DLAT: variants seen among roughly 807,000 people sequenced by gnomAD.
DLAT encodes the protein dihydrolipoyllysine-residue acetyltransferase component of pyruvate dehydrogenase complex, mitochondrial.
In DLAT, 43 loss-of-function variants were observed where a neutral mutation model predicts 68.0. The observed-to-expected ratio is 0.63, with a 90% CI of 0.50 to 0.81. DLAT has a LOEUF of 0.81. Ranked by LOEUF, DLAT falls within the 40% of genes least tolerant of loss-of-function variation. DLAT has a pLI of 0.00. For missense variants in DLAT, 745 were observed against 815.4 expected (o/e 0.91, Z 1.05); for synonymous variants, 265 against 288.6 (o/e 0.92, Z 0.83).
chr11:112,029,066 G>C, intron 4 of DLAT, 121 bp downstream of exon 4: 1 of 1,118,372 alleles, frequency 8.9e-7, no homozygotes, highest in Non-Finnish European at 1.3e-6. Flanking sequence ...TCATTTGGGA[G>C]TATATAGGTT....
chr11:112,063,294 C>T lies in DLAT; in HGVS notation c.*759C>T, dbSNP rs1171728877. ...TCAACAGTTACCTCCAAAAAAGAAA[C>T]ATTGTTAATATAATTTAACAGAAGT... On this transcript the variant is annotated 3_prime_UTR_variant, in exon 14 of 14. Transcript: ENST00000280346. 1.3e-5 allele frequency: 2 copies of T among 152,072 alleles called. No individual in the cohort carries two copies. Among genetic ancestry groups the T allele is most frequent in the Non-Finnish European group, 2.9e-5 (2 of 67,980 alleles). 9.4% of individuals were successfully genotyped at this position (152,072 alleles called of 1,614,324 possible).
chr11:112,054,682 T>G (rs1863894192), intron 11 of DLAT, among the ~76,000 whole-genome samples: 1 of 152,214 alleles, frequency 6.6e-6, no homozygotes, highest in African/African-American at 2.4e-5. Context: ...CTGTATAGTT[T>G]TCCAGGGCTG....
At chr11:112,031,342 T>A (rs1359939362) in intron 4 of DLAT, among the ~76,000 whole-genome samples, 1 of 152,186 alleles carries the variant, frequency 6.6e-6, no homozygotes, top group African/African-American at 2.4e-5. Context: ...AGATAGGCAT[T>A]CTGATGTTTG....
intron 4 of DLAT, chr11:112,030,493 C>G (rs1462530183): frequency 7.9e-6 from 2 of 253,944 alleles, no homozygotes; most frequent in Non-Finnish European, 7.8e-6. Flanking sequence ...AGTTGGTGTT[C>G]TTTTGACATG....
chr11:112,036,141 G>GTATA (rs1227067864), intron 5 of DLAT, among the ~76,000 whole-genome samples: 6 of 134,388 alleles, frequency 4.5e-5, no homozygotes, highest in African/African-American at 1.7e-4. Context: ...ATATGTGTGT[G>GTATA]TATATATATA....
At position 112,025,638 on chromosome 11, in the gene DLAT, C is replaced by T. The variant is rs782603517; in HGVS notation, c.166C>T (p.Arg56Trp). The T allele has an allele frequency of 1.2e-6, 2 of 1,613,376 alleles. No individual in the cohort carries two copies. The highest frequency in any genetic ancestry group is 2.2e-5 in the South Asian group (2 of 91,074). Residue 56 changes from arginine (R) to tryptophan (W), a missense_variant, in exon 1 of 14, where the codon CGG (arginine) becomes TGG (tryptophan). Coordinates refer to ENST00000280346, the MANE Select transcript of DLAT (RefSeq NM_001931.5). Reference protein sequence around the residue: ...NSVTTGYGGVRALCGWTPSSG... With the variant: ...NSVTTGYGGVWALCGWTPSSG... ...CGTGACTACAGGGTATGGCGGGGTC[C>T]GGGCACTGTGCGGCTGGACCCCCAG...
chr11:112,062,742 C>T lies in DLAT; in HGVS notation c.*207C>T. 3.5e-6 allele frequency: 2 copies of T among 570,652 alleles called. No homozygotes were observed. Among genetic ancestry groups the T allele is most frequent in the South Asian group, 4.0e-5 (2 of 50,222 alleles). 35.3% of individuals were successfully genotyped at this position (570,652 alleles called of 1,614,324 possible). On this transcript the variant is annotated 3_prime_UTR_variant, in exon 14 of 14. Transcript: ENST00000280346. ...ATTGTGCACATTTAATAATCAGACA[C>T]CAGATTTTTAGCTCTGTACTCCTAA...
chr11:112,043,318 A>T (rs1863139894), intron 7 of DLAT, 148 bp from the exon 8 acceptor site: 1 of 735,400 alleles, frequency 1.4e-6, no homozygotes. Flanking sequence ...TGTAGGTAGC[A>T]CCTTAAGGGG....
chr11:112,027,754 G>C (rs1862144325), intron 2 of DLAT, among the ~76,000 whole-genome samples: 2 of 152,214 alleles, frequency 1.3e-5, no homozygotes, highest in African/African-American at 2.4e-5. Flanking sequence ...ACGAAAACCA[G>C]TCAGGCGTGG....
intron 4 of DLAT, chr11:112,030,100 T>A: frequency 1.3e-6 from 1 of 785,026 alleles, no homozygotes; most frequent in Non-Finnish European, 2.2e-6. Flanking sequence ...TCCTGGTAAA[T>A]ACTGGCGACT....
rs185294293 is a variant in DLAT at position 112,047,889 on chromosome 11, C to T, written c.1398+1919C>T. Among the ~76,000 whole-genome samples, 465 of 152,278 alleles carry T rather than the reference C, an allele frequency of 3.1e-3. 7 individuals are homozygous for T. The highest frequency in any genetic ancestry group is 0.01 in the African/African-American group (435 of 41,552). ...GTAGCCTTATAGTATAGTTTGAAGT[C>T]AGGTAGCATGATGCCTCCAGCTTTG... On this transcript the variant is annotated intron_variant, in intron 10 of 13. Transcript: ENST00000280346.
Position 112,062,757 on chromosome 11 carries a change from T to G in DLAT, c.*222T>G. On this transcript the variant is annotated 3_prime_UTR_variant, in exon 14 of 14. Coordinates refer to ENST00000280346, the MANE Select transcript of DLAT (RefSeq NM_001931.5). Reference sequence around the variant, plus strand: ...TAATCAGACACCAGATTTTTAGCTCTGTACTCCTAATTAAGGGACATGTAT... The same window carrying G: ...TAATCAGACACCAGATTTTTAGCTCGGTACTCCTAATTAAGGGACATGTAT... The G allele has an allele frequency of 3.9e-6, 2 of 517,142 alleles. No individual in the cohort carries two copies. The highest frequency in any genetic ancestry group is 6.9e-6 in the Non-Finnish European group (2 of 291,288). The allele number at this position is 517,142 out of a possible 1,614,324, so 32.0% of individuals were successfully genotyped here. A position where few individuals can be genotyped will look rare whatever the true frequency, so the allele number is the denominator to read the frequency against.
Position 112,055,848 on chromosome 11 carries a change from C to CTTT in DLAT, c.1515-4019_1515-4017dup, listed in dbSNP as rs71060212. Among the ~76,000 whole-genome samples, 125 of 31,984 alleles carry CTTT rather than the reference C, an allele frequency of 3.9e-3. 54 individuals are homozygous for CTTT. Among genetic ancestry groups the CTTT allele is most frequent in the Non-Finnish European group, 6.0e-3 (99 of 16,520 alleles). The allele number at this position is 31,984 out of a possible 152,430, so 21.0% of individuals were successfully genotyped here. A position where few individuals can be genotyped will look rare whatever the true frequency, so the allele number is the denominator to read the frequency against. On this transcript the variant is annotated intron_variant, in intron 11 of 13. Transcript: ENST00000280346. ...TCTCCTCTGTGCCAGCATATAGACA[C>CTTT]TTTTTTTTTTTTTTTTTTTTTTTTT...
chr11:112,056,616 A>C (rs1230438933), intron 11 of DLAT, among the ~76,000 whole-genome samples: 2 of 149,942 alleles, frequency 1.3e-5, no homozygotes, highest in Non-Finnish European at 3.0e-5. Context: ...GCTATTATGA[A>C]TGATGCTACT....
At chr11:112,049,384 GTTAGGTGTTC>G (rs1863494967) in intron 10 of DLAT, among the ~76,000 whole-genome samples, 1 of 152,140 alleles carries the variant, frequency 6.6e-6, no homozygotes, top group Non-Finnish European at 1.5e-5. Context: ...CCCTGTATTA[GTTAGGTGTTC>G]TTCAGTCTCT....
chr11:112,060,036 G>A lies in DLAT; in HGVS notation c.1648G>A (p.Glu550Lys). 1 of 1,613,932 alleles carries A rather than the reference G, an allele frequency of 6.2e-7. No homozygotes were observed. The highest frequency in any genetic ancestry group is 8.5e-7 in the Non-Finnish European group (1 of 1,179,936). Residue 550 changes from glutamate to lysine, a missense_variant, in exon 12 of 14, where the codon GAG (glutamate) becomes AAG (lysine). Transcript: ENST00000280346. ...DVVSLATKAR[E>K]GKLQPHEFQG... ...TGTTTCTTTAGCAACCAAAGCAAGA[G>A]AGGGTAAACTACAGCCACATGAATT... is the stretch of plus-strand genomic sequence containing the variant.
chr11:112,040,924 A>T (rs1316977491), intron 7 of DLAT, among the ~76,000 whole-genome samples: 1 of 122,722 alleles, frequency 8.1e-6, no homozygotes, highest in Non-Finnish European at 1.6e-5. Flanking sequence ...GAGGAGTGTT[A>T]AAAAAAAAAA....
rs1863152524 is a variant in DLAT, at chr11:112,043,545, G to A, written c.1197+12G>A. ...GTAAAGTTGCTCCTGTGAGTTATGTGTAGCTCTTACTTTTTTTGCAGTTTG... is the reference window on the plus strand; with the variant it reads ...GTAAAGTTGCTCCTGTGAGTTATGTATAGCTCTTACTTTTTTTGCAGTTTG... On this transcript the variant is annotated intron_variant, in intron 8 of 13. Coordinates refer to ENST00000280346, the MANE Select transcript of DLAT (RefSeq NM_001931.5). The A allele has an allele frequency of 6.2e-7, 1 of 1,612,930 alleles. No individual in the cohort carries two copies. Among genetic ancestry groups the A allele is most frequent in the South Asian group, 1.1e-5 (1 of 91,044 alleles).
In DLAT at chr11:112,033,594, A is replaced by G. The variant is rs1862536114; in HGVS notation, c.787+64A>G. On this transcript the variant is annotated intron_variant, in intron 5 of 13. Transcript: ENST00000280346. ...TTTCCCAATGAGGAAGAGGATTGCC[A>G]TTCTTTCCTATAATGAGTGAGTGAT... is the stretch of plus-strand genomic sequence containing the variant. The G allele has an allele frequency of 2.5e-6, 4 of 1,579,620 alleles. No homozygotes were observed. The South Asian group carries it at 3.4e-5, about 13-fold the overall frequency.
Sources: gnomAD v4.1 joint callset for allele counts (sites outside exome capture counted in the v4.1 genomes callset) on GRCh38, gnomAD v4.1.1 for gene constraint, MANE v1.5 for transcripts, NCBI Gene and HGNC (gene_info 2026-07-23, HGNC 2026-07-21) for gene names.